The following ARHGEF11 variants were observed in gnomAD, a reference collection of about 807,000 sequenced individuals.
The protein encoded by ARHGEF11 is Rho guanine nucleotide exchange factor 11, also known as Rho guanine exchange factor (GEF) 11.
In ARHGEF11, 55 loss-of-function variants were observed where a neutral mutation model predicts 193.7. That is an observed-to-expected ratio of 0.28 (90% CI 0.23 to 0.36). ARHGEF11 has a LOEUF of 0.36. ARHGEF11 is among the 10% of genes least tolerant of loss of function. The pLI, the probability that ARHGEF11 is intolerant of heterozygous loss-of-function variation, is 1.00. For missense variants in ARHGEF11, 1,723 were observed against 2,005.6 expected (o/e 0.86, Z 2.69); for synonymous variants, 693 against 768.0 (o/e 0.90, Z 1.62).
At chr1:156,940,119 G>T (rs942921043) in intron 36 of ARHGEF11, 88 bp downstream of exon 36, 1 of 1,456,166 alleles carries the variant, frequency 6.9e-7, no homozygotes, top group Non-Finnish European at 9.2e-7. Flanking sequence ...AGAGCCTTCG[G>T]GAAGGTGGAG....
chr1:156,943,874 CCAGCACT>C, intron 32 of ARHGEF11, 54 bp downstream of exon 32: 1 of 1,558,356 alleles, frequency 6.4e-7, no homozygotes, highest in Non-Finnish European at 8.7e-7. Flanking sequence ...CCTGCCTCAC[CCAGCACT>C]TGCTGGACAT....
At position 156,948,137 on chromosome 1, in the gene ARHGEF11, A is replaced by G. The variant is rs755397159; in HGVS notation, c.2153+44T>C. ...AGAGGAGCAGCTGGGTGTGGATGGG[A>G]CACAGAGACACCAAACAGAGGCACC... On this transcript the variant is annotated intron_variant, in intron 24 of 40. Coordinates refer to ENST00000368194, the MANE Select transcript of ARHGEF11 (RefSeq NM_198236.3). This position sits in a 1 kb window ranked among gnomAD's most constrained non-coding sequence, Gnocchi z 4.2. The G allele has an allele frequency of 6.5e-6, 10 of 1,544,220 alleles. No homozygotes were observed. The highest frequency in any genetic ancestry group is 5.7e-5 in the Admixed American group (3 of 52,434).
At chr1:157,012,288 T>C (rs1668634816) in intron 1 of ARHGEF11, among the ~76,000 whole-genome samples, 1 of 152,122 alleles carries the variant, frequency 6.6e-6, no homozygotes, top group African/African-American at 2.4e-5. Context: ...GGCAAATTCA[T>C]AGAGACAGAG....
chr1:156,996,772 CAAAAAAAAAAA>C (rs66730438), intron 1 of ARHGEF11, among the ~76,000 whole-genome samples: 2 of 38,644 alleles, frequency 5.2e-5, no homozygotes, highest in Non-Finnish European at 1.1e-4. Flanking sequence ...GACTCTGTCT[CAAAAAAAAAAA>C]AAAAAAAAAA....
chr1:156,980,847 G>GA (rs10606685), intron 3 of ARHGEF11, among the ~76,000 whole-genome samples: 1 of 40,886 alleles, frequency 2.4e-5, no homozygotes, highest in Non-Finnish European at 4.9e-5. Flanking sequence ...GGGGGGGGGG[G>GA]AAATGAGTTT....
intron 35 of ARHGEF11, 140 bp downstream of exon 35, chr1:156,941,232 C>T: frequency 2.7e-6 from 2 of 727,396 alleles, no homozygotes; most frequent in East Asian, 2.8e-5. Context: ...TTCCTCCCGC[C>T]CTGTTTCTTC....
At chr1:156,952,601 T>A (rs1030256041) in intron 21 of ARHGEF11, among the ~76,000 whole-genome samples, 8 of 152,250 alleles carry the variant, frequency 5.3e-5, no homozygotes, top group Non-Finnish European at 1.0e-4. Flanking sequence ...TCAGAGATTC[T>A]GACATCTACA....
intron 1 of ARHGEF11, among the ~76,000 whole-genome samples, chr1:157,030,427 T>C (rs2102997876): frequency 6.6e-6 from 1 of 152,244 alleles, no homozygotes; most frequent in Middle Eastern, 3.4e-3. Context: ...ATCCTCTTCT[T>C]AGACAGTGAA....
chr1:157,011,818 A>T (rs1197576828), intron 1 of ARHGEF11, among the ~76,000 whole-genome samples: 2 of 152,214 alleles, frequency 1.3e-5, no homozygotes, highest in Non-Finnish European at 2.9e-5. Context: ...GAACAAAAGT[A>T]ATGGAAAATA....
intron 38 of ARHGEF11, 132 bp from the exon 39 acceptor site, chr1:156,937,628 G>A (rs957109781): frequency 1.8e-5 from 18 of 973,386 alleles, no homozygotes; most frequent in Non-Finnish European, 2.5e-5. Context: ...CTCAGAGAAC[G>A]TGGGCCTTGC....
At chr1:157,022,063 A>C (rs1327738816) in intron 1 of ARHGEF11, among the ~76,000 whole-genome samples, 1 of 152,242 alleles carries the variant, frequency 6.6e-6, no homozygotes, top group Admixed American at 6.5e-5. Flanking sequence ...CATCATCTAT[A>C]AAAAAGCCAA....
intron 1 of ARHGEF11, among the ~76,000 whole-genome samples, chr1:156,997,411 C>G (rs112211602): frequency 6.6e-6 from 1 of 152,070 alleles, no homozygotes. Flanking sequence ...AAGGCTTTCT[C>G]GAAGAAGTAA....
chr1:157,040,805 A>G (rs1358598131), intron 1 of ARHGEF11, among the ~76,000 whole-genome samples: 1 of 152,270 alleles, frequency 6.6e-6, no homozygotes, highest in Non-Finnish European at 1.5e-5. Flanking sequence ...TTTACAGTTT[A>G]GAAAACAATT....
intron 34 of ARHGEF11, 46 bp downstream of exon 34, chr1:156,941,818 G>T: frequency 1.9e-6 from 3 of 1,558,046 alleles, no homozygotes; most frequent in South Asian, 1.2e-5. Context: ...GAAACAGGAG[G>T]TTTGGAGTGG....
At chr1:156,944,590 A>G (rs1240131202) in intron 30 of ARHGEF11, among the ~76,000 whole-genome samples, 157 bp from the exon 31 acceptor site, 1 of 152,198 alleles carries the variant, frequency 6.6e-6, no homozygotes, top group African/African-American at 2.4e-5. Flanking sequence ...AAGACAAGCA[A>G]AAAGGTAACT....
At chr1:156,940,903 A>G (rs760987197) in intron 35 of ARHGEF11, among the ~76,000 whole-genome samples, 23 of 151,982 alleles carry the variant, frequency 1.5e-4, no homozygotes, top group Non-Finnish European at 3.1e-4. Flanking sequence ...GAAACCCAAG[A>G]CCCCAGGTTA....
At chr1:156,995,702 TTG>T (rs1666384397) in intron 1 of ARHGEF11, among the ~76,000 whole-genome samples, 1 of 144,664 alleles carries the variant, frequency 6.9e-6, no homozygotes, top group South Asian at 2.3e-4. Context: ...GCTGCCCAGC[TTG>T]TTTTTTTTTT....
At chr1:156,974,407 T>A (rs1336147) in intron 7 of ARHGEF11, among the ~76,000 whole-genome samples, 2 of 152,038 alleles carry the variant, frequency 1.3e-5, no homozygotes, top group African/African-American at 4.8e-5. Flanking sequence ...GCAGACTGAA[T>A]CCAACTCAAG....
Position 156,941,375 on chromosome 1 carries a change from C to T in ARHGEF11, c.3511G>A (p.Gly1171Arg), listed in dbSNP as rs766277396. 2.3e-5 allele frequency: 37 copies of T among 1,613,456 alleles called. 1 individual carries two copies. In the South Asian group the frequency reaches 3.8e-4, roughly 17 times the overall value. Residue 1171 changes from glycine (G) to arginine (R), a missense_variant, in exon 35 of 41, where the codon GGA (glycine) becomes AGA (arginine). This residue lies in a region of ARHGEF11 where 203 missense variants were observed against 237.3 expected (regional missense o/e 0.86). Transcript: ENST00000368194. The stretch of plus-strand genomic sequence containing the variant: ...CAGGACAGTTCAGGGCCCTTACCTC[C>T]AGGCAGCTCCTCAGGTTCAGGTTCA... ...HGEPEPEELP[G>R]GTGSQQRVQG...
Sources: allele counts gnomAD v4.1 joint callset (sites outside exome capture counted in the v4.1 genomes callset), GRCh38; gene constraint gnomAD v4.1.1; regional missense constraint gnomAD v4.1.1; non-coding constraint Gnocchi (gnomAD v3.1); transcripts MANE v1.5; gene names NCBI Gene and HGNC (gene_info 2026-07-23, HGNC 2026-07-21).